FGD4: variants seen among roughly 807,000 people sequenced by gnomAD.
The protein encoded by FGD4 is FYVE, RhoGEF and PH domain-containing protein 4.
Under a neutral mutation model 102.0 loss-of-function variants are expected in FGD4, and 42 were observed. The ratio of observed to expected loss-of-function variants is 0.41; its 90% CI spans 0.32 to 0.53. FGD4 has a LOEUF of 0.53. Ranked by LOEUF, FGD4 falls within the 20% of genes least tolerant of loss-of-function variation. The pLI is 0.21. For synonymous variants in FGD4, 380 were observed against 375.7 expected, an observed-to-expected ratio of 1.01 and a Z score of -0.13; for missense variants, 902 against 1,078.2, an observed-to-expected ratio of 0.84 and a Z score of 2.29.
intron 1 of FGD4, among the ~76,000 whole-genome samples, chr12:32,476,218 A>G (rs76499986): frequency 6.6e-6 from 1 of 152,098 alleles, no homozygotes. Flanking sequence ...CTGGACCCAA[A>G]CCGTACATAT....
intron 1 of FGD4, among the ~76,000 whole-genome samples, chr12:32,428,573 T>C (rs913737534): frequency 6.6e-6 from 1 of 152,180 alleles, no homozygotes; most frequent in Admixed American, 6.5e-5. Flanking sequence ...AGTATCTTTA[T>C]GGTGTTCTCT....
Position 32,582,441 on chromosome 12 carries a change from C to G in FGD4, c.985C>G (p.Gln329Glu), listed in dbSNP as rs1326914775. 6.2e-7 allele frequency: 1 copy of G among 1,611,744 alleles called. No individual in the cohort carries two copies. Among genetic ancestry groups the G allele is most frequent in the South Asian group, 1.1e-5 (1 of 91,088 alleles). ...TGGGGAAAGCCCTCTGGAACTGGAG[C>G]AGCTGGACCAGCACCATGAGATGAA... ...ENGESPLELE[Q>E]LDQHHEMKET... The change falls in exon 4 of 17, where the codon CAG becomes GAG. Residue 329 changes from glutamine (Q) to glutamate (E), a missense_variant. This residue lies in a region of FGD4 where 443 missense variants were observed against 459.2 expected (regional missense o/e 0.96). Transcript: ENST00000534526.
chr12:32,597,713 A>G (rs1948023870), intron 4 of FGD4, among the ~76,000 whole-genome samples: 1 of 152,254 alleles, frequency 6.6e-6, no homozygotes, highest in African/African-American at 2.4e-5. Flanking sequence ...TTAAATAAAT[A>G]CATACTGAAG....
At chr12:32,639,331 T>C (rs1951029978) in intron 16 of FGD4, among the ~76,000 whole-genome samples, 2 of 152,084 alleles carry the variant, frequency 1.3e-5, no homozygotes, top group Admixed American at 1.3e-4. Flanking sequence ...ACCTGGCTAA[T>C]TTTTATATTT....
At chr12:32,501,402 T>C (rs1256849677) in intron 1 of FGD4, among the ~76,000 whole-genome samples, 1 of 152,208 alleles carries the variant, frequency 6.6e-6, no homozygotes, top group East Asian at 1.9e-4. Flanking sequence ...TAACCTCTGA[T>C]TCCTTCATGA....
intron 1 of FGD4, among the ~76,000 whole-genome samples, chr12:32,422,042 G>A (rs1388549667): frequency 1.3e-5 from 2 of 151,266 alleles, no homozygotes; most frequent in Non-Finnish European, 2.9e-5. Flanking sequence ...TACTCGGGAG[G>A]CTGAGGCAGG....
intron 10 of FGD4, among the ~76,000 whole-genome samples, chr12:32,617,590 C>T (rs78116548): frequency 0.011 from 1,660 of 152,304 alleles, 31 homozygotes; most frequent in African/African-American, 0.037. Flanking sequence ...GAAATTGCCT[C>T]GCTAGTCTGA....
chr12:32,415,625 A>G (rs966531292), intron 1 of FGD4, among the ~76,000 whole-genome samples: 7 of 151,938 alleles, frequency 4.6e-5, no homozygotes, highest in Admixed American at 3.9e-4. Flanking sequence ...GTTTCACCGT[A>G]TTAGCCAGGA....
At chr12:32,529,420 T>C (rs756471923) in intron 1 of FGD4, among the ~76,000 whole-genome samples, 8 of 152,082 alleles carry the variant, frequency 5.3e-5, no homozygotes, top group Non-Finnish European at 1.2e-4. Flanking sequence ...CCACCGCGCC[T>C]GGCCTACTTC....
chr12:32,611,382 G>T (rs938242980), intron 10 of FGD4, 99 bp downstream of exon 10: 6 of 1,358,568 alleles, frequency 4.4e-6, no homozygotes, highest in Non-Finnish European at 6.2e-6. Context: ...TTGGGAGGCC[G>T]AGGCGAGTGG....
At chr12:32,448,658 C>CA (rs112621517) in intron 1 of FGD4, among the ~76,000 whole-genome samples, 1,447 of 85,454 alleles carry the variant, frequency 0.017, 29 homozygotes, top group African/African-American at 0.053. Context: ...AACTCCATCG[C>CA]AAAAAAAAAA....
intron 1 of FGD4, among the ~76,000 whole-genome samples, chr12:32,447,027 G>A (rs1942636536): frequency 6.6e-6 from 1 of 152,150 alleles, no homozygotes; most frequent in Non-Finnish European, 1.5e-5. Flanking sequence ...ATAAGGCAAA[G>A]CTGTCCCTTT....
intron 1 of FGD4, among the ~76,000 whole-genome samples, chr12:32,408,247 C>CA (rs1941034181): frequency 6.6e-6 from 1 of 150,590 alleles, no homozygotes; most frequent in South Asian, 2.1e-4. Flanking sequence ...CGGCTCACTG[C>CA]AATCTCTGCC....
intron 1 of FGD4, among the ~76,000 whole-genome samples, chr12:32,563,746 C>T (rs1944915736): frequency 6.6e-6 from 1 of 152,196 alleles, no homozygotes; most frequent in Non-Finnish European, 1.5e-5. Context: ...CATCTGCAAT[C>T]CCGGCACCTC....
intron 1 of FGD4, among the ~76,000 whole-genome samples, chr12:32,478,672 A>G (rs772136200): frequency 1.3e-5 from 2 of 152,224 alleles, no homozygotes; most frequent in Non-Finnish European, 2.9e-5. Flanking sequence ...ACTTTCCCAC[A>G]CCTGAGTAGT....
At chr12:32,538,455 T>C (rs370712887) in intron 1 of FGD4, among the ~76,000 whole-genome samples, 26 of 152,334 alleles carry the variant, frequency 1.7e-4, no homozygotes, top group African/African-American at 6.0e-4. Flanking sequence ...CTTTTAAGAA[T>C]AAATATCCTT....
At position 32,485,801 on chromosome 12, in the gene FGD4, G is replaced by T. The variant is rs564264110; in HGVS notation, c.167-78336G>T. Reference sequence around the variant, plus strand: ...GCCTAAATGCCATAAATGTAATAAAGTTACATGTATTTGGCATCATACTTC... The same window carrying T: ...GCCTAAATGCCATAAATGTAATAAATTTACATGTATTTGGCATCATACTTC... On this transcript the variant is annotated intron_variant, in intron 1 of 16. Transcript: ENST00000534526. 5.2e-6 allele frequency: 5 copies of T among 953,116 alleles called. No individual in the cohort carries two copies. In the East Asian group the frequency reaches 5.8e-4, roughly 110 times the overall value. The allele number at this position is 953,116 out of a possible 1,614,324, so 59.0% of individuals were successfully genotyped here. A position where few individuals can be genotyped will look rare whatever the true frequency, so the allele number is the denominator to read the frequency against.
At chr12:32,630,955 G>A (rs1950468171) in intron 14 of FGD4, among the ~76,000 whole-genome samples, 1 of 151,976 alleles carries the variant, frequency 6.6e-6, no homozygotes, top group Non-Finnish European at 1.5e-5. Flanking sequence ...TCCAGCCTGG[G>A]TGACAGACCC....
intron 1 of FGD4, among the ~76,000 whole-genome samples, chr12:32,486,892 T>G (rs1482803076): frequency 1.3e-5 from 2 of 152,168 alleles, no homozygotes; most frequent in Non-Finnish European, 2.9e-5. Flanking sequence ...AAAATAAACA[T>G]CCAAGTATAA....
Sources: gnomAD v4.1 joint callset for allele counts (sites outside exome capture counted in the v4.1 genomes callset) on GRCh38, gnomAD v4.1.1 for gene constraint, gnomAD v4.1.1 regional missense constraint, MANE v1.5 for transcripts, NCBI Gene and HGNC (gene_info 2026-07-23, HGNC 2026-07-21) for gene names.